The following DPY19L4 variants were observed in gnomAD, a reference collection of about 807,000 sequenced individuals.
The protein encoded by DPY19L4 is probable C-mannosyltransferase DPY19L4.
In DPY19L4, 97 loss-of-function variants were observed where a neutral mutation model predicts 102.8. The observed-to-expected ratio is 0.94, with a 90% CI of 0.80 to 1.12. The LOEUF (loss-of-function observed/expected upper bound fraction) is 1.12, where lower values mean the gene tolerates loss of function less well. DPY19L4 is among the 50% of genes most tolerant of loss of function. The probability of loss-of-function intolerance (pLI) is 0.00; values close to 1 mark genes in which losing one functional copy is unlikely to be tolerated. For missense variants in DPY19L4, 815 were observed against 850.4 expected, an observed-to-expected ratio of 0.96 and a Z score of 0.52; for synonymous variants, 252 against 283.1, an observed-to-expected ratio of 0.89 and a Z score of 1.10.
chr8:94,780,506 A>G, intron 15 of DPY19L4, 91 bp downstream of exon 15: 1 of 795,604 alleles, frequency 1.3e-6, no homozygotes, highest in South Asian at 3.7e-5. Flanking sequence ...ACATGTTGAG[A>G]CACTATCCTA....
chr8:94,782,942 TG>T (rs1369726338), intron 16 of DPY19L4, among the ~76,000 whole-genome samples: 1 of 152,240 alleles, frequency 6.6e-6, no homozygotes, highest in Non-Finnish European at 1.5e-5. Flanking sequence ...TTTATGTTAC[TG>T]GGTACAATTA....
intron 17 of DPY19L4, among the ~76,000 whole-genome samples, chr8:94,786,030 A>G (rs961478799): frequency 3.9e-5 from 6 of 152,216 alleles, no homozygotes; most frequent in African/African-American, 2.4e-5. Context: ...GTCTTTCTCT[A>G]TGGTATGTAG....
chr8:94,735,598 G>T lies in DPY19L4; in HGVS notation c.252+844G>T, dbSNP rs1811156469. ...TTAGGTAGGGGCAGTGGGACAGGCT[G>T]CGATCAGTATGTTGATAAATATTTT... On this transcript the variant is annotated intron_variant, in intron 3 of 18. Coordinates refer to ENST00000414645, the MANE Select transcript of DPY19L4 (RefSeq NM_181787.3). Among the ~76,000 whole-genome samples the T allele has an allele frequency of 2.0e-5, 3 of 152,316 alleles. No homozygotes were observed. The South Asian group carries it at 6.2e-4, about 32-fold the overall frequency.
In DPY19L4 at chr8:94,778,019, C is replaced by T. The variant is rs554524286; in HGVS notation, c.1575+233C>T. ...GCTGAAGTGGGTGGATCACTTGAGG[C>T]CAGGAGTTCGAGACCAGTCTGGCCA... On this transcript the variant is annotated intron_variant, in intron 14 of 18. Coordinates refer to ENST00000414645, the MANE Select transcript of DPY19L4 (RefSeq NM_181787.3). 1.8e-3 allele frequency among the ~76,000 whole-genome samples: 278 copies of T among 152,122 alleles called. 1 individual carries two copies. The highest frequency in any genetic ancestry group is 4.4e-4 in the Non-Finnish European group (30 of 67,978).
At chr8:94,761,984 AT>A in intron 8 of DPY19L4, 150 bp downstream of exon 8, 1 of 851,306 alleles carries the variant, frequency 1.2e-6, no homozygotes, top group Non-Finnish European at 1.6e-6. Flanking sequence ...AGAAGTTAAT[AT>A]AAATTGTTAA....
At chr8:94,726,763 G>T (rs1299617438) in intron 2 of DPY19L4, among the ~76,000 whole-genome samples, 1 of 152,128 alleles carries the variant, frequency 6.6e-6, no homozygotes. Context: ...TGCTGACCTG[G>T]CACACTATCA....
In DPY19L4 at chr8:94,727,021, C is replaced by G. The variant is rs915709477; in HGVS notation, c.127+580C>G. ...TTTTTCCCACACCCGAAAACTCTCTCTTATCTAGTCACAGCCTTAATCTTG... is the reference window on the plus strand; with the variant it reads ...TTTTTCCCACACCCGAAAACTCTCTGTTATCTAGTCACAGCCTTAATCTTG... On this transcript the variant is annotated intron_variant, in intron 2 of 18. Transcript: ENST00000414645. Among the ~76,000 whole-genome samples the G allele has an allele frequency of 2.0e-5, 3 of 152,192 alleles. No individual in the cohort carries two copies. In the East Asian group the frequency reaches 5.8e-4, roughly 29 times the overall value.
chr8:94,737,985 C>T (rs943312536), intron 3 of DPY19L4, among the ~76,000 whole-genome samples: 1 of 152,062 alleles, frequency 6.6e-6, no homozygotes, highest in Non-Finnish European at 1.5e-5. Flanking sequence ...GCACACCAGC[C>T]TGGGTAACAG....
intron 1 of DPY19L4, among the ~76,000 whole-genome samples, chr8:94,721,668 A>G (rs1470928286): frequency 6.6e-6 from 1 of 152,256 alleles, no homozygotes; most frequent in Non-Finnish European, 1.5e-5. Context: ...TTAAGACTGC[A>G]TTAAAAAATC....
At position 94,734,307 on chromosome 8, in the gene DPY19L4, A is replaced by C. The variant is rs187401848; in HGVS notation, c.128-323A>C. Among the ~76,000 whole-genome samples, 738 of 152,226 alleles carry C rather than the reference A, an allele frequency of 4.8e-3. 7 individuals carry two copies. Among genetic ancestry groups the C allele is most frequent in the African/African-American group, 0.016 (682 of 41,564 alleles). On this transcript the variant is annotated intron_variant, in intron 2 of 18. Coordinates refer to ENST00000414645, the MANE Select transcript of DPY19L4 (RefSeq NM_181787.3). ...AGTGATCTGCCTGCCTTGGCCTCCCAAAGTGCCACCATGCCCAGCCCCTAA... is the reference window on the plus strand; with the variant it reads ...AGTGATCTGCCTGCCTTGGCCTCCCCAAGTGCCACCATGCCCAGCCCCTAA...
chr8:94,732,879 C>T (rs187156398), intron 2 of DPY19L4, among the ~76,000 whole-genome samples: 6 of 143,266 alleles, frequency 4.2e-5, no homozygotes, highest in South Asian at 2.2e-4. Flanking sequence ...GTTGCCATCT[C>T]GGTTCACTAC....
chr8:94,779,961 C>T (rs1193771014), intron 14 of DPY19L4, among the ~76,000 whole-genome samples: 3 of 152,004 alleles, frequency 2.0e-5, no homozygotes, highest in Non-Finnish European at 4.4e-5. Context: ...TGTATATTAG[C>T]TATTTTTCTT....
At position 94,790,463 on chromosome 8, in the gene DPY19L4, A is replaced by G. The variant is rs1024942752; in HGVS notation, c.*553A>G. On this transcript the variant is annotated 3_prime_UTR_variant, in exon 19 of 19. Transcript: ENST00000414645. ...AGGAAAGTGATTTTTAAGGATATAC[A>G]TAAAGATATATTTAGAATTTTCATG... 1.3e-5 allele frequency: 2 copies of G among 152,494 alleles called. No homozygotes were observed. Among genetic ancestry groups the G allele is most frequent in the African/African-American group, 4.8e-5 (2 of 41,396 alleles). 9.4% of individuals were successfully genotyped at this position (152,494 alleles called of 1,614,324 possible). A position where few individuals can be genotyped will look rare whatever the true frequency, so the allele number is the denominator to read the frequency against.
At position 94,778,345 on chromosome 8, in the gene DPY19L4, A is replaced by G. The variant is rs138464949; in HGVS notation, c.1575+559A>G. On this transcript the variant is annotated intron_variant, in intron 14 of 18. Coordinates refer to ENST00000414645, the MANE Select transcript of DPY19L4 (RefSeq NM_181787.3). Reference sequence around the variant, plus strand: ...TAATGTGAGAGGTCATCAAGAATCAATTTTTATGATATCTTTCTTGGTTTG... The same window carrying G: ...TAATGTGAGAGGTCATCAAGAATCAGTTTTTATGATATCTTTCTTGGTTTG... Among the ~76,000 whole-genome samples the G allele has an allele frequency of 4.5e-4, 68 of 152,324 alleles. 2 individuals are homozygous for G. The highest frequency in any genetic ancestry group is 4.3e-4 in the Non-Finnish European group (29 of 68,038).
Position 94,761,699 on chromosome 8 carries a change from G to A in DPY19L4, c.736-1G>A. On this transcript the variant is annotated splice_acceptor_variant, in intron 7 of 18. Transcript: ENST00000414645. LOFTEE classifies it high-confidence loss of function. Reference sequence around the variant, plus strand: ...TAGTTTCTTTCATTTGTTTTCCCTAGAGGTTTTGCTACTTGTTGATGAGTG... The same window carrying A: ...TAGTTTCTTTCATTTGTTTTCCCTAAAGGTTTTGCTACTTGTTGATGAGTG... 6.3e-7 allele frequency: 1 copy of A among 1,589,100 alleles called. No individual in the cohort carries two copies.
intron 1 of DPY19L4, among the ~76,000 whole-genome samples, chr8:94,723,239 G>A (rs1245799138): frequency 2.6e-5 from 4 of 152,212 alleles, no homozygotes; most frequent in East Asian, 1.9e-4. Context: ...TTGGGAGGCC[G>A]AGGCGGGCAA....
At position 94,789,876 on chromosome 8, in the gene DPY19L4, A is replaced by G. The variant is rs748550557; in HGVS notation, c.2138A>G (p.Tyr713Cys). 6.9e-6 allele frequency: 11 copies of G among 1,603,938 alleles called. No individual in the cohort carries two copies. The highest frequency in any genetic ancestry group is 2.3e-5 in the East Asian group (1 of 44,350). Reference sequence around the variant, plus strand: ...TACTGGAACAGATCCTACTTTGTATATAAAATCAACACTGTGATATCCTTC... The same window carrying G: ...TACTGGAACAGATCCTACTTTGTATGTAAAATCAACACTGTGATATCCTTC... ...RVYWNRSYFV[Y>C]KINTVISFQS Residue 713 changes from tyrosine to cysteine, a missense_variant, in exon 19 of 19, where the codon TAT (tyrosine) becomes TGT (cysteine). Tyr to Cys is a radical substitution (Grantham distance 194). Transcript: ENST00000414645.
intron 6 of DPY19L4, among the ~76,000 whole-genome samples, chr8:94,746,184 C>T (rs1176822116): frequency 1.3e-5 from 2 of 150,746 alleles, no homozygotes; most frequent in African/African-American, 4.9e-5. Flanking sequence ...GCTTCAGCCT[C>T]CTGAGTAGCT....
rs1029955461 is a variant in DPY19L4, at chr8:94,791,219, G to A, written c.*1309G>A. On this transcript the variant is annotated 3_prime_UTR_variant, in exon 19 of 19. Coordinates refer to ENST00000414645, the MANE Select transcript of DPY19L4 (RefSeq NM_181787.3). ...TACTCTAAATTACTACATTAGAAGAGAGCATTTCTCCATTGTCTTTATTTT... is the reference window on the plus strand; with the variant it reads ...TACTCTAAATTACTACATTAGAAGAAAGCATTTCTCCATTGTCTTTATTTT... 7.2e-5 allele frequency: 11 copies of A among 152,212 alleles called. 1 individual carries two copies. The highest frequency in any genetic ancestry group is 2.6e-4 in the African/African-American group (11 of 41,570). The allele number at this position is 152,212 out of a possible 1,614,324, so 9.4% of individuals were successfully genotyped here.
Sources: gnomAD v4.1 joint callset for allele counts (sites outside exome capture counted in the v4.1 genomes callset) on GRCh38, gnomAD v4.1.1 for gene constraint, MANE v1.5 for transcripts, NCBI Gene and HGNC (gene_info 2026-07-23, HGNC 2026-07-21) for gene names.